ZNF705G: variants seen among roughly 807,000 people sequenced by gnomAD.
ZNF705G encodes the protein zinc finger protein 705G.
Under a neutral mutation model 19.6 loss-of-function variants are expected in ZNF705G, and 23 were observed. The ratio of observed to expected loss-of-function variants is 1.17; its 90% confidence interval spans 0.84 to 1.66. The LOEUF (loss-of-function observed/expected upper bound fraction) is 1.66, where lower values mean the gene tolerates loss of function less well. ZNF705G is among the 40% of genes most tolerant of loss of function. The pLI, the probability that ZNF705G is intolerant of heterozygous loss-of-function variation, is 0.00. For synonymous variants in ZNF705G, 146 were observed against 117.7 expected (o/e 1.24, Z -1.56); for missense variants, 457 against 354.4 (o/e 1.29, Z -2.32).
chr8:7,358,193 T>A lies in ZNF705G; in HGVS notation c.686A>T (p.Lys229Met). ...AAAGACTTTCCCATATTGATGACAC[T>A]TATATGGTCTCTGTCCCGTGTGAGT... ...EKTHTGQRPY[K>M]CHQYGKVFIQ... The change falls in exon 7 of 7, where the codon AAG becomes ATG. Residue 229 changes from lysine to methionine, a missense_variant. By Grantham distance (95) the Lys-to-Met change is moderately conservative. Transcript: ENST00000400156. The A allele has an allele frequency of 1.2e-6, 2 of 1,607,614 alleles. No homozygotes were observed. Among genetic ancestry groups the A allele is most frequent in the Non-Finnish European group, 1.7e-6 (2 of 1,179,616 alleles).
chr8:7,376,672 G>A (rs1302925185), intron 2 of ZNF705G, among the ~76,000 whole-genome samples: 1 of 149,914 alleles, frequency 6.7e-6, no homozygotes, highest in African/African-American at 2.5e-5. Flanking sequence ...CAACCTCAAA[G>A]ACCAGTGCCA....
chr8:7,363,804 G>A (rs1356148573), intron 2 of ZNF705G, among the ~76,000 whole-genome samples: 1 of 149,106 alleles, frequency 6.7e-6, no homozygotes, highest in Non-Finnish European at 1.5e-5. Context: ...GAGGGTGACA[G>A]AGCGAGACTC....
chr8:7,357,718 T>C lies in ZNF705G; in HGVS notation c.*258A>G. On this transcript the variant is annotated 3_prime_UTR_variant, in exon 7 of 7. Transcript: ENST00000400156. ...AAAGGTAACTGAAGTATCTTCCATGTTGATTACAGTATTTCTTCAAAATGT... is the reference window on the plus strand; with the variant it reads ...AAAGGTAACTGAAGTATCTTCCATGCTGATTACAGTATTTCTTCAAAATGT... 1 of 642,978 alleles carries C rather than the reference T, an allele frequency of 1.6e-6. No individual in the cohort carries two copies. Among genetic ancestry groups the C allele is most frequent in the South Asian group, 2.1e-5 (1 of 47,120 alleles). The allele number at this position is 642,978 out of a possible 1,614,324, so 39.8% of individuals were successfully genotyped here.
chr8:7,379,773 G>C (rs549317420), intron 2 of ZNF705G, among the ~76,000 whole-genome samples: 2 of 147,226 alleles, frequency 1.4e-5, no homozygotes, highest in African/African-American at 5.4e-5. Context: ...ATAGGGAGCT[G>C]CCTGGAGTCT....
rs896310328 is a variant in ZNF705G, at chr8:7,363,989, C to G, written c.-71-972G>C. Among the ~76,000 whole-genome samples, 4 of 149,408 alleles carry G rather than the reference C, an allele frequency of 2.7e-5. 1 individual carries two copies. Among genetic ancestry groups the G allele is most frequent in the African/African-American group, 1.0e-4 (4 of 38,886 alleles). ...CTCTCCTGTGTATACAGTCACAATC[C>G]TCTAGGATGCTCAGAAAATACAAAA... On this transcript the variant is annotated intron_variant, in intron 2 of 6. Coordinates refer to ENST00000400156, the MANE Select transcript of ZNF705G (RefSeq NM_001164457.3).
intron 2 of ZNF705G, among the ~76,000 whole-genome samples, chr8:7,381,001 G>C (rs1807469037): frequency 1.5e-5 from 1 of 66,414 alleles, no homozygotes; most frequent in Non-Finnish European, 2.3e-5. Context: ...GGCCTACAGA[G>C]CTAGACTCTG....
intron 3 of ZNF705G, among the ~76,000 whole-genome samples, chr8:7,361,999 G>A (rs1302698881): frequency 2.0e-5 from 3 of 149,630 alleles, no homozygotes; most frequent in Non-Finnish European, 4.4e-5. Flanking sequence ...ATCTTAGTCC[G>A]ATGATTCCTG....
chr8:7,385,184 T>A (rs1807672432), intron 1 of ZNF705G, among the ~76,000 whole-genome samples: 1 of 148,286 alleles, frequency 6.7e-6, no homozygotes, highest in Admixed American at 6.6e-5. Flanking sequence ...ATCAGGTGGG[T>A]CATGGTGGGC....
At position 7,363,037 on chromosome 8, in the gene ZNF705G, A is replaced by G; in HGVS notation, c.-71-20T>C. The G allele has an allele frequency of 6.3e-7, 1 of 1,581,270 alleles. No individual in the cohort carries two copies. The highest frequency in any genetic ancestry group is 8.5e-7 in the Non-Finnish European group (1 of 1,172,372). On this transcript the variant is annotated intron_variant, in intron 2 of 6. Coordinates refer to ENST00000400156, the MANE Select transcript of ZNF705G (RefSeq NM_001164457.3). ...GAAAAGCTGAGGTTGGAGAAAGAAC[A>G]TGTGAGACACCAGTCTTGTGCACAA...
intron 1 of ZNF705G, among the ~76,000 whole-genome samples, chr8:7,383,494 A>G (rs1807597773): frequency 6.8e-6 from 1 of 146,664 alleles, no homozygotes; most frequent in South Asian, 2.1e-4. Flanking sequence ...GTTTAAACAA[A>G]TGAAACTTGA....
chr8:7,357,234 G>A lies in ZNF705G; in HGVS notation c.*742C>T, dbSNP rs954329397. 2.0e-5 allele frequency: 3 copies of A among 151,038 alleles called. No individual in the cohort carries two copies. The highest frequency in any genetic ancestry group is 7.6e-5 in the African/African-American group (3 of 39,370). The allele number at this position is 151,038 out of a possible 1,614,324, so 9.4% of individuals were successfully genotyped here. On this transcript the variant is annotated 3_prime_UTR_variant, in exon 7 of 7. Transcript: ENST00000400156. Reference sequence around the variant, plus strand: ...AAAGGATTTCTCATGATTTTTCATTGCATAACTTCTCCAGTAAGAAGTATT... The same window carrying A: ...AAAGGATTTCTCATGATTTTTCATTACATAACTTCTCCAGTAAGAAGTATT...
intron 6 of ZNF705G, among the ~76,000 whole-genome samples, chr8:7,359,069 A>G (rs1806440020): frequency 6.7e-6 from 1 of 149,636 alleles, no homozygotes; most frequent in Non-Finnish European, 1.5e-5. Context: ...AGATTCACTG[A>G]GCCAGAAAAA....
Position 7,363,157 on chromosome 8 carries a change from C to T in ZNF705G, c.-71-140G>A, listed in dbSNP as rs1419068835. The T allele has an allele frequency of 2.9e-5, 35 of 1,198,852 alleles. 2 individuals are homozygous for T. The African/African-American group carries it at 4.1e-4, about 14-fold the overall frequency. 74.3% of individuals were successfully genotyped at this position (1,198,852 alleles called of 1,614,324 possible). ...ACCAACAGACACAAACATGCAGAGGCCTCTCCTCTTTTCCCGTGGTCAAAA... is the reference window on the plus strand; with the variant it reads ...ACCAACAGACACAAACATGCAGAGGTCTCTCCTCTTTTCCCGTGGTCAAAA... On this transcript the variant is annotated intron_variant, in intron 2 of 6. Coordinates refer to ENST00000400156, the MANE Select transcript of ZNF705G (RefSeq NM_001164457.3).
intron 3 of ZNF705G, 79 bp downstream of exon 3, chr8:7,362,856 C>A (rs1179986004): frequency 8.8e-6 from 14 of 1,583,290 alleles, no homozygotes; most frequent in South Asian, 2.2e-5. Context: ...AAATGAAACA[C>A]CCATGCAAAT....
chr8:7,358,781 C>G (rs1441586918), intron 6 of ZNF705G, among the ~76,000 whole-genome samples: 3 of 149,408 alleles, frequency 2.0e-5, no homozygotes, highest in African/African-American at 7.7e-5. Context: ...CTGCCTCCCC[C>G]TTCTGGTTCC....
intron 2 of ZNF705G, among the ~76,000 whole-genome samples, chr8:7,366,195 A>C (rs1457187236): frequency 1.1e-5 from 1 of 91,632 alleles, no homozygotes; most frequent in Admixed American, 1.2e-4. Flanking sequence ...GTCAGATTAC[A>C]CTATAAATGG....
intron 2 of ZNF705G, among the ~76,000 whole-genome samples, chr8:7,379,113 A>G (rs1807373422): frequency 6.7e-6 from 1 of 150,290 alleles, no homozygotes. Flanking sequence ...GTATAGAATC[A>G]AGATATTTAA....
At position 7,361,195 on chromosome 8, in the gene ZNF705G, C is replaced by T. The variant is rs1806574990; in HGVS notation, c.54G>A (p.Gln18=). The T allele has an allele frequency of 2.5e-6, 4 of 1,592,982 alleles. No homozygotes were observed. The highest frequency in any genetic ancestry group is 2.5e-6 in the Non-Finnish European group (3 of 1,179,446). ...ATGTGTCCATCATGGCCCACTCTTC[C>T]TGGGTGAAGTCAATAGCTACATCTT... The part of the protein sequence containing the change: ...TFEDVAIDFT[Q]EEWAMMDTSK... Residue 18 remains glutamine, a synonymous_variant, in exon 4 of 7, where the codon CAG becomes CAA. Transcript: ENST00000400156.
intron 3 of ZNF705G, among the ~76,000 whole-genome samples, chr8:7,362,722 C>A (rs1806660507): frequency 6.7e-6 from 1 of 149,142 alleles, no homozygotes; most frequent in South Asian, 2.1e-4. Context: ...CACACGATAC[C>A]CAACCTAGAG....
Sources: allele counts gnomAD v4.1 joint callset (sites outside exome capture counted in the v4.1 genomes callset), GRCh38; gene constraint gnomAD v4.1.1; transcripts MANE v1.5; gene names NCBI Gene and HGNC (gene_info 2026-07-23, HGNC 2026-07-21).